Variants in PRLR observed in about 807,000 individuals in gnomAD.
PRLR encodes the protein hPRL receptor.
PRLR carries 13 observed loss-of-function variants against 40.2 expected under a neutral mutation model. That is an observed-to-expected ratio of 0.32 (90% CI 0.21 to 0.51). The LOEUF (loss-of-function observed/expected upper bound fraction) is 0.51. Among genes scored for constraint, PRLR ranks in the 20% least tolerant of loss-of-function variants. PRLR has a pLI of 0.97. For missense variants in PRLR, 656 were observed against 747.3 expected (o/e 0.88, Z 1.42); for synonymous variants, 269 against 278.7 (o/e 0.97, Z 0.35).
chr5:35,078,232 C>A (rs1770246324), intron 5 of PRLR, among the ~76,000 whole-genome samples: 3 of 152,036 alleles, frequency 2.0e-5, no homozygotes, highest in South Asian at 4.2e-4. Context: ...GATAGAGACA[C>A]AAAAAACCTT....
At chr5:35,086,583 G>A (rs1023788587) in intron 3 of PRLR, among the ~76,000 whole-genome samples, 1 of 152,062 alleles carries the variant, frequency 6.6e-6, no homozygotes, top group Non-Finnish European at 1.5e-5. Context: ...GTGTGTGTGT[G>A]TGTGTCTGTG....
chr5:35,207,543 C>G (rs181641028), intron 1 of PRLR, among the ~76,000 whole-genome samples: 53 of 152,072 alleles, frequency 3.5e-4, no homozygotes, highest in African/African-American at 1.1e-3. Context: ...TCTTGATGGG[C>G]TGACTCAATA....
At chr5:35,097,586 C>T (rs1343972365) in intron 2 of PRLR, among the ~76,000 whole-genome samples, 1 of 152,074 alleles carries the variant, frequency 6.6e-6, no homozygotes, top group East Asian at 1.9e-4. Flanking sequence ...AGTACAAAAT[C>T]CATGCTGGCT....
At chr5:35,200,743 C>CTACA (rs1775860407) in intron 1 of PRLR, among the ~76,000 whole-genome samples, 1 of 152,088 alleles carries the variant, frequency 6.6e-6, no homozygotes, top group South Asian at 2.1e-4. Flanking sequence ...CAGAGAGACC[C>CTACA]TACATACGCC....
intron 1 of PRLR, among the ~76,000 whole-genome samples, chr5:35,211,672 C>T (rs6866465): frequency 0.9 from 137,176 of 152,220 alleles, 62,560 homozygotes; most frequent in African/African-American, 0.96. Flanking sequence ...TTCACAAGTA[C>T]GCTAAATAAG....
chr5:35,180,089 G>T (rs1258711686), intron 1 of PRLR, among the ~76,000 whole-genome samples: 1 of 152,152 alleles, frequency 6.6e-6, no homozygotes, highest in Admixed American at 6.5e-5. Context: ...CATAAGGAGT[G>T]TGCAACCTAG....
chr5:35,128,587 G>C (rs1340099446), intron 1 of PRLR, among the ~76,000 whole-genome samples: 1 of 151,800 alleles, frequency 6.6e-6, no homozygotes, highest in Admixed American at 6.6e-5. Flanking sequence ...AATACAAAGG[G>C]CTGGCTGTAC....
chr5:35,049,230 G>A (rs1301110891), exon 9 of PRLR: 1 of 702,354 alleles, frequency 1.4e-6, no homozygotes, highest in Non-Finnish European at 2.6e-6. Flanking sequence ...CTGTCCTGTG[G>A]TTGGACAGAG....
chr5:35,104,588 C>G (rs765999472), intron 2 of PRLR, among the ~76,000 whole-genome samples: 3 of 152,150 alleles, frequency 2.0e-5, no homozygotes, highest in Non-Finnish European at 2.9e-5. Flanking sequence ...GCCCCTGACT[C>G]GGAGGGTCCT....
intron 1 of PRLR, among the ~76,000 whole-genome samples, chr5:35,127,476 C>G (rs1328496039): frequency 6.6e-6 from 1 of 152,128 alleles, no homozygotes; most frequent in African/African-American, 2.4e-5. Context: ...ATTATCAATA[C>G]TAAATACGCT....
chr5:35,069,313 C>T (rs1437839385), intron 7 of PRLR, among the ~76,000 whole-genome samples: 1 of 152,166 alleles, frequency 6.6e-6, no homozygotes, highest in African/African-American at 2.4e-5. Context: ...TATAGTGTTG[C>T]AGGCTGGGAT....
chr5:35,065,823 C>T lies in PRLR; in HGVS notation c.1135G>A (p.Val379Ile), dbSNP rs1769332506. The T allele has an allele frequency of 1.2e-6, 2 of 1,613,994 alleles. No homozygotes were observed. Among genetic ancestry groups the T allele is most frequent in the South Asian group, 1.1e-5 (1 of 91,082 alleles). ...TCAGGATTCTCTGGCTTCTCAATGA[C>T]CTCAGGATCATAGAATGTGGAGGGA... ...ANPSTFYDPE[V>I]IEKPENPETT... Residue 379 changes from valine to isoleucine, a missense_variant, in exon 10 of 10, where the codon GTC becomes ATC. Physicochemically the swap from Val to Ile is conservative, Grantham distance 29. This residue lies in a region of PRLR where 469 missense variants were observed against 491.5 expected (regional missense o/e 0.95). Transcript: ENST00000618457.
At chr5:35,083,990 A>T (rs778595089) in intron 5 of PRLR, among the ~76,000 whole-genome samples, 3 of 152,158 alleles carry the variant, frequency 2.0e-5, no homozygotes, top group Admixed American at 6.6e-5. Flanking sequence ...GCATATATGC[A>T]ACATATATAT....
chr5:35,113,558 A>C (rs1772830198), intron 2 of PRLR, among the ~76,000 whole-genome samples: 2 of 151,308 alleles, frequency 1.3e-5, no homozygotes, highest in South Asian at 4.2e-4. Context: ...TCCATTCATC[A>C]ATCTACCACC....
chr5:35,049,214 C>G (rs1222260384), exon 9 of PRLR: 2 of 701,614 alleles, frequency 2.9e-6, no homozygotes, highest in African/African-American at 1.7e-5. Flanking sequence ...CCCTGGGGTG[C>G]ACAGTCTGTC....
chr5:35,201,674 AAT>A (rs1775886505), intron 1 of PRLR, among the ~76,000 whole-genome samples: 1 of 151,766 alleles, frequency 6.6e-6, no homozygotes, highest in Non-Finnish European at 1.5e-5. Flanking sequence ...CAAATCCTTT[AAT>A]ATTTTTGCAG....
intron 6 of PRLR, among the ~76,000 whole-genome samples, chr5:35,071,757 C>T (rs56292008): frequency 6.6e-6 from 1 of 152,160 alleles, no homozygotes; most frequent in Non-Finnish European, 1.5e-5. Flanking sequence ...ACCACCATGC[C>T]TGGCTAAGTT....
chr5:35,171,121 A>G (rs1410736510), intron 1 of PRLR, among the ~76,000 whole-genome samples: 1 of 151,648 alleles, frequency 6.6e-6, no homozygotes, highest in Non-Finnish European at 1.5e-5. Context: ...AGGAGTAATG[A>G]ACACTAATTC....
intron 1 of PRLR, among the ~76,000 whole-genome samples, chr5:35,228,255 C>CAAAAAA (rs1561375681): frequency 1.6e-5 from 1 of 63,202 alleles, no homozygotes; most frequent in South Asian, 7.1e-4. Flanking sequence ...AAAAAAAAAG[C>CAAAAAA]AGCATTATTT....
Sources: gnomAD v4.1 joint callset for allele counts (sites outside exome capture counted in the v4.1 genomes callset) on GRCh38, gnomAD v4.1.1 for gene constraint, gnomAD v4.1.1 regional missense constraint, MANE v1.5 for transcripts, NCBI Gene and HGNC (gene_info 2026-07-23, HGNC 2026-07-21) for gene names.